ALCAM: variants seen among roughly 807,000 people sequenced by gnomAD.
ALCAM encodes the protein activated leukocyte cell adhesion molecule.
A neutral mutation model predicts 70.9 loss-of-function variants in ALCAM; 30 were observed. The ratio of observed to expected loss-of-function variants is 0.42; its 90% CI spans 0.32 to 0.57. The LOEUF (loss-of-function observed/expected upper bound fraction) is 0.57. Ranked by LOEUF, ALCAM falls within the 20% of genes least tolerant of loss-of-function variation. ALCAM has a pLI of 0.11. For missense variants in ALCAM, 591 were observed against 695.1 expected (o/e 0.85, Z 1.68); for synonymous variants, 249 against 242.5 (o/e 1.03, Z -0.25).
Position 105,547,553 on chromosome 3 carries a change from C to T in ALCAM, c.1374+30C>T, listed in dbSNP as rs765233441. ...GTATTTGTCTTCTTGTTATATGCTG[C>T]ACTTCGTCCAATGCGTTTTTTTTCC... is the stretch of plus-strand genomic sequence containing the variant. On this transcript the variant is annotated intron_variant, in intron 11 of 15. Coordinates refer to ENST00000306107, the MANE Select transcript of ALCAM (RefSeq NM_001627.4). The T allele has an allele frequency of 1.3e-5, 21 of 1,595,192 alleles. No individual in the cohort carries two copies. The South Asian group carries it at 2.3e-4, about 17-fold the overall frequency.
At position 105,475,395 on chromosome 3, in the gene ALCAM, A is replaced by G. The variant is rs910288831; in HGVS notation, c.74-44672A>G. Among the ~76,000 whole-genome samples, 12 of 152,032 alleles carry G rather than the reference A, an allele frequency of 7.9e-5. No homozygotes were observed. In the Admixed American group the frequency reaches 7.9e-4, roughly 10 times the overall value. Reference sequence around the variant, plus strand: ...GAGGAGAAATCACTCAGGTAAATCTAGAAAAATAAAACAGTAAATTGCAAT... The same window carrying G: ...GAGGAGAAATCACTCAGGTAAATCTGGAAAAATAAAACAGTAAATTGCAAT... On this transcript the variant is annotated intron_variant, in intron 1 of 15. Transcript: ENST00000306107.
At chr3:105,375,531 G>A (rs1482082480) in intron 1 of ALCAM, among the ~76,000 whole-genome samples, 1 of 152,086 alleles carries the variant, frequency 6.6e-6, no homozygotes, top group African/African-American at 2.4e-5. Flanking sequence ...AGAATGTTGT[G>A]GATATGAAAC....
chr3:105,438,943 A>T (rs1001491040), intron 1 of ALCAM, among the ~76,000 whole-genome samples: 1 of 152,120 alleles, frequency 6.6e-6, no homozygotes, highest in Admixed American at 6.6e-5. Flanking sequence ...AGAAGGGAGG[A>T]AGGAAGAAGC....
chr3:105,398,134 T>C lies in ALCAM; in HGVS notation c.73+30653T>C, dbSNP rs149800038. Among the ~76,000 whole-genome samples the C allele has an allele frequency of 4.6e-5, 7 of 152,184 alleles. No individual in the cohort carries two copies. The East Asian group carries it at 7.8e-4, about 17-fold the overall frequency. ...GTATTTCTGAAGTGGGGTTCCAAAT[T>C]TGCATTTCTAACAAGGTCCCATATG... On this transcript the variant is annotated intron_variant, in intron 1 of 15. Coordinates refer to ENST00000306107, the MANE Select transcript of ALCAM (RefSeq NM_001627.4).
chr3:105,474,627 GA>G (rs1938045028), intron 1 of ALCAM, among the ~76,000 whole-genome samples: 1 of 151,542 alleles, frequency 6.6e-6, no homozygotes, highest in South Asian at 2.1e-4. Flanking sequence ...GAGCGAGAAA[GA>G]AAAGAAGCTT....
intron 1 of ALCAM, among the ~76,000 whole-genome samples, chr3:105,392,530 G>A (rs188712033): frequency 4.4e-4 from 66 of 150,900 alleles, no homozygotes; most frequent in African/African-American, 1.5e-3. Flanking sequence ...AAAATAGCTC[G>A]TAGATTCATT....
intron 1 of ALCAM, among the ~76,000 whole-genome samples, chr3:105,436,399 G>A (rs1260281560): frequency 2.0e-5 from 3 of 152,032 alleles, no homozygotes; most frequent in Non-Finnish European, 4.4e-5. Context: ...CTGGAGTGCA[G>A]TGGTGCGATC....
At position 105,539,956 on chromosome 3, in the gene ALCAM, G is replaced by C; in HGVS notation, c.731-19G>C. On this transcript the variant is annotated intron_variant, in intron 6 of 15. Transcript: ENST00000306107. ...GGTACTTGACAAAAATGGTTAACTT[G>C]TGTCTGTAACTCTTACAGATCCTAC... 6.2e-7 allele frequency: 1 copy of C among 1,608,820 alleles called. No individual in the cohort carries two copies. Among genetic ancestry groups the C allele is most frequent in the Non-Finnish European group, 8.5e-7 (1 of 1,176,958 alleles).
intron 1 of ALCAM, among the ~76,000 whole-genome samples, chr3:105,460,885 G>A (rs1469123768): frequency 2.6e-5 from 4 of 151,844 alleles, no homozygotes; most frequent in African/African-American, 9.7e-5. Flanking sequence ...GAAATAAAAT[G>A]ATAAATTGAC....
rs138029039 is a variant in ALCAM, at chr3:105,554,092, G to GGT, written c.1664+1522_1664+1523dup. Among the ~76,000 whole-genome samples the GGT allele has an allele frequency of 7.6e-3, 1,149 of 150,958 alleles. 5 individuals carry two copies. The highest frequency in any genetic ancestry group is 0.011 in the Non-Finnish European group (753 of 67,506). Reference sequence around the variant, plus strand: ...TCTCCAGAGAATCAAACCAGTAGAGGGTGTGTGTGTGTGTGTACAAAGAAA... The same window carrying GGT: ...TCTCCAGAGAATCAAACCAGTAGAGGGTGTGTGTGTGTGTGTGTACAAAGAAA... On this transcript the variant is annotated intron_variant, in intron 14 of 15. Transcript: ENST00000306107.
chr3:105,520,106 C>A lies in ALCAM; in HGVS notation c.113C>A (p.Thr38Asn). ...WYTVNSAYGD[T>N]IIIPCRLDVP... ...ACTGTAAATTCAGCATATGGAGATACCATTATCATACCTTGCCGACTTGAC... is the reference window on the plus strand; with the variant it reads ...ACTGTAAATTCAGCATATGGAGATAACATTATCATACCTTGCCGACTTGAC... Residue 38 changes from threonine (T) to asparagine (N), a missense_variant, in exon 2 of 16, where the codon ACC becomes AAC. This residue lies in a region of ALCAM where 427 missense variants were observed against 450.4 expected (regional missense o/e 0.95). Coordinates refer to ENST00000306107, the MANE Select transcript of ALCAM (RefSeq NM_001627.4). The A allele has an allele frequency of 6.2e-7, 1 of 1,612,998 alleles. No individual in the cohort carries two copies. The highest frequency in any genetic ancestry group is 8.5e-7 in the Non-Finnish European group (1 of 1,179,354).
At chr3:105,446,848 T>C (rs73183112) in intron 1 of ALCAM, among the ~76,000 whole-genome samples, 22,767 of 152,056 alleles carry the variant, frequency 0.15, 1,815 homozygotes, top group Middle Eastern at 0.19. Context: ...GGCTCCCAGA[T>C]CTGGAACGTG....
intron 1 of ALCAM, among the ~76,000 whole-genome samples, chr3:105,398,569 G>A (rs921515491): frequency 6.6e-6 from 1 of 151,968 alleles, no homozygotes; most frequent in African/African-American, 2.4e-5. Context: ...TAAATGTGAT[G>A]GCCAGTGGTT....
At chr3:105,466,772 G>T (rs1937749848) in intron 1 of ALCAM, among the ~76,000 whole-genome samples, 1 of 151,288 alleles carries the variant, frequency 6.6e-6, no homozygotes, top group Non-Finnish European at 1.5e-5. Flanking sequence ...GCAGATATTC[G>T]ACTTTTAGCT....
chr3:105,481,474 T>G (rs191918344), intron 1 of ALCAM, among the ~76,000 whole-genome samples: 1 of 152,332 alleles, frequency 6.6e-6, no homozygotes, highest in East Asian at 1.9e-4. Context: ...ACATATGTAG[T>G]GCTGATTATG....
chr3:105,534,173 G>T (rs1163201886), intron 5 of ALCAM, among the ~76,000 whole-genome samples: 1 of 152,148 alleles, frequency 6.6e-6, no homozygotes, highest in Non-Finnish European at 1.5e-5. Context: ...GAGCCATGGG[G>T]AGTGGCTGTA....
intron 1 of ALCAM, among the ~76,000 whole-genome samples, chr3:105,488,802 C>A (rs559840821): frequency 4.1e-4 from 62 of 152,140 alleles, no homozygotes; most frequent in African/African-American, 1.3e-3. Flanking sequence ...AGATAGAGTA[C>A]AGGATGTTAA....
At chr3:105,521,639 A>G (rs936398127) in intron 2 of ALCAM, among the ~76,000 whole-genome samples, 2 of 152,322 alleles carry the variant, frequency 1.3e-5, no homozygotes, top group Non-Finnish European at 2.9e-5. Flanking sequence ...AGATAAAAAT[A>G]TCTTCCTCAT....
In ALCAM at chr3:105,524,307, C is replaced by G; in HGVS notation, c.193C>G (p.Pro65Ala). The G allele has an allele frequency of 6.2e-7, 1 of 1,613,408 alleles. No individual in the cohort carries two copies. Among genetic ancestry groups the G allele is most frequent in the Non-Finnish European group, 8.5e-7 (1 of 1,179,566 alleles). Reference sequence around the variant, plus strand: ...TTTTTAGGAAAAGCCCGATGGCTCCCCAGTATTTATTGCCTTCAGATCCTC... The same window carrying G: ...TTTTTAGGAAAAGCCCGATGGCTCCGCAGTATTTATTGCCTTCAGATCCTC... ...KWKYEKPDGS[P>A]VFIAFRSSTK... Residue 65 changes from proline to alanine, a missense_variant, in exon 3 of 16, where the codon CCA becomes GCA. By Grantham distance (27) the Pro-to-Ala change is conservative. Around this residue, in one of 2 missense-constraint regions of ALCAM, gnomAD observed 427 missense variants for 450.4 expected, o/e 0.95. Transcript: ENST00000306107.
Sources: gnomAD v4.1 joint callset for allele counts (sites outside exome capture counted in the v4.1 genomes callset) on GRCh38, gnomAD v4.1.1 for gene constraint, gnomAD v4.1.1 regional missense constraint, MANE v1.5 for transcripts, NCBI Gene and HGNC (gene_info 2026-07-23, HGNC 2026-07-21) for gene names.